Variants in VAV2 observed in about 807,000 individuals in gnomAD.
VAV2 encodes the protein vav guanine nucleotide exchange factor 2.
VAV2 carries 67 observed loss-of-function variants against 132.5 expected under a neutral mutation model. That is an observed-to-expected ratio of 0.51 (90% CI 0.42 to 0.62). The LOEUF (loss-of-function observed/expected upper bound fraction) is 0.62, where lower values mean the gene tolerates loss of function less well. Among genes scored for constraint, VAV2 ranks in the 20% least tolerant of loss-of-function variants. VAV2 has a pLI of 0.00. For synonymous variants in VAV2, 492 were observed against 443.5 expected (o/e 1.11, Z -1.37); for missense variants, 938 against 1,153.6 (o/e 0.81, Z 2.71).
chr9:133,873,386 C>G (rs912318688), intron 2 of VAV2, among the ~76,000 whole-genome samples: 2 of 152,154 alleles, frequency 1.3e-5, no homozygotes, highest in African/African-American at 4.8e-5. Flanking sequence ...TGGCAAAGGG[C>G]GTCCTGCCAC....
intron 2 of VAV2, among the ~76,000 whole-genome samples, chr9:133,862,053 C>T (rs963705486): frequency 8.5e-5 from 13 of 152,246 alleles, no homozygotes; most frequent in African/African-American, 2.7e-4. Flanking sequence ...AGTGGCATGA[C>T]GGGATCTCTC....
intron 17 of VAV2, among the ~76,000 whole-genome samples, chr9:133,784,763 G>A (rs544229668): frequency 1.1e-4 from 16 of 152,204 alleles, no homozygotes; most frequent in African/African-American, 3.6e-4. Flanking sequence ...TTGCCTCATT[G>A]GATATAAGCT....
chr9:133,931,742 C>T (rs1459947717), intron 2 of VAV2, among the ~76,000 whole-genome samples: 4 of 152,204 alleles, frequency 2.6e-5, no homozygotes, highest in Admixed American at 2.0e-4. Flanking sequence ...ACTGTCCTCA[C>T]GTCACAGGAG....
chr9:133,955,479 C>T (rs1332697916), intron 1 of VAV2, among the ~76,000 whole-genome samples: 1 of 99,928 alleles, frequency 1.0e-5, no homozygotes, highest in Non-Finnish European at 2.1e-5. Flanking sequence ...GCTGCCCCAA[C>T]TCTCCCCATG....
intron 1 of VAV2, among the ~76,000 whole-genome samples, chr9:133,958,934 C>G (rs998068823): frequency 1.3e-5 from 2 of 152,218 alleles, no homozygotes; most frequent in African/African-American, 2.4e-5. Context: ...GCCAGGCCTG[C>G]GAGGTGCTCC....
chr9:133,989,691 GA>G (rs1243396575), intron 1 of VAV2, among the ~76,000 whole-genome samples: 22 of 148,544 alleles, frequency 1.5e-4, no homozygotes, highest in East Asian at 5.9e-4. Flanking sequence ...TCTCCAAAAA[GA>G]AAAAAAAAAG....
At chr9:133,973,934 G>C (rs912491869) in intron 1 of VAV2, among the ~76,000 whole-genome samples, 1 of 152,218 alleles carries the variant, frequency 6.6e-6, no homozygotes, top group Non-Finnish European at 1.5e-5. Flanking sequence ...GGAAAATGAG[G>C]ACGTGGAAGC....
chr9:133,772,634 CCAGACA>C (rs5901027), intron 25 of VAV2, among the ~76,000 whole-genome samples: 56,398 of 151,448 alleles, frequency 0.37, 11,030 homozygotes, highest in Non-Finnish European at 0.44. Flanking sequence ...CACCCCCTTG[CCAGACA>C]CAGACATCAC....
At position 133,804,711 on chromosome 9, in the gene VAV2, G is replaced by A. The variant is rs1237899909; in HGVS notation, c.836+1370C>T. Among the ~76,000 whole-genome samples the A allele has an allele frequency of 3.9e-5, 6 of 152,192 alleles. 1 individual carries two copies. The highest frequency in any genetic ancestry group is 5.9e-5 in the Non-Finnish European group (4 of 68,022). ...CCCCACACCTGCTGAGGACTGGGGC[G>A]ACAGCCAGTGTGACCTGCCAGCCGG... On this transcript the variant is annotated intron_variant, in intron 9 of 29. Transcript: ENST00000371850. This position sits in a 1 kb window ranked among gnomAD's most constrained non-coding sequence, Gnocchi z 4.5.
Position 133,768,528 on chromosome 9 carries a change from G to T in VAV2, c.2503C>A (p.Leu835Ile), listed in dbSNP as rs201638694. 6.2e-7 allele frequency: 1 copy of T among 1,614,026 alleles called. No individual in the cohort carries two copies. The highest frequency in any genetic ancestry group is 1.3e-5 in the African/African-American group (1 of 75,012). Reference protein sequence around the residue: ...YNFAARDMRELSLREGDVVRI... With the variant: ...YNFAARDMREISLREGDVVRI... ...ACCACGTCACCCTCCCGCAGCGAAA[G>T]CTCCCTCATATCTCGGGCGGCAAAG... Residue 835 changes from leucine (L) to isoleucine (I), a missense_variant, in exon 29 of 30, where the codon CTT (leucine) becomes ATT (isoleucine). Coordinates refer to ENST00000371850, the MANE Select transcript of VAV2 (RefSeq NM_001134398.2). The surrounding 1 kb of genome is among the most constrained non-coding windows in gnomAD (Gnocchi z 5.3).
chr9:133,933,998 A>AGATG (rs1202265462), intron 2 of VAV2, among the ~76,000 whole-genome samples: 5 of 111,370 alleles, frequency 4.5e-5, no homozygotes, highest in Non-Finnish European at 7.4e-5. Flanking sequence ...ATGGGTGGGT[A>AGATG]GATGGATGGA....
intron 29 of VAV2, among the ~76,000 whole-genome samples, chr9:133,764,482 G>A (rs1833370924): frequency 6.6e-6 from 1 of 152,132 alleles, no homozygotes; most frequent in Non-Finnish European, 1.5e-5. Flanking sequence ...TCAACCCACA[G>A]GTATTGAGGT....
intron 3 of VAV2, among the ~76,000 whole-genome samples, chr9:133,848,178 GC>G (rs1452707802): frequency 1.3e-5 from 2 of 151,310 alleles, no homozygotes; most frequent in Non-Finnish European, 3.0e-5. Context: ...TACTCGGGAG[GC>G]TGAGGCAGGA....
chr9:133,789,221 G>C (rs200002607), intron 14 of VAV2, 37 bp downstream of exon 14: 1 of 1,609,122 alleles, frequency 6.2e-7, no homozygotes. Context: ...AGACCCTGGC[G>C]GGACGCCACC....
chr9:133,858,426 A>T (rs1372553493), intron 3 of VAV2, among the ~76,000 whole-genome samples: 1 of 152,162 alleles, frequency 6.6e-6, no homozygotes, highest in African/African-American at 2.4e-5. Context: ...CACTATGCAG[A>T]AGGCTCTATG....
chr9:133,899,099 G>C (rs542437968), intron 2 of VAV2, among the ~76,000 whole-genome samples: 1 of 151,954 alleles, frequency 6.6e-6, no homozygotes, highest in African/African-American at 2.4e-5. Context: ...GGGATTACAG[G>C]CGTGAGCCAC....
At chr9:133,978,519 C>A (rs59126460) in intron 1 of VAV2, among the ~76,000 whole-genome samples, 2,118 of 152,366 alleles carry the variant, frequency 0.014, 54 homozygotes, top group African/African-American at 0.047. Flanking sequence ...TGCCTTTGAA[C>A]CCAAAAGTAC....
At chr9:133,895,934 T>TAACGTTAGTAGGTCGGGCGCAG (rs1195317034) in intron 2 of VAV2, among the ~76,000 whole-genome samples, 1 of 134,694 alleles carries the variant, frequency 7.4e-6, no homozygotes, top group Admixed American at 7.2e-5. Flanking sequence ...AAATCTTTTT[T>TAACGTTAGTAGGTCGGGCGCAG]TTTTTTTTTT....
At chr9:133,953,976 C>A (rs1270966395) in intron 1 of VAV2, among the ~76,000 whole-genome samples, 2 of 152,200 alleles carry the variant, frequency 1.3e-5, no homozygotes, top group Non-Finnish European at 2.9e-5. Flanking sequence ...ACCCCTTGCA[C>A]AGGCAGGTGG....
Sources: gnomAD v4.1 joint callset for allele counts (sites outside exome capture counted in the v4.1 genomes callset) on GRCh38, gnomAD v4.1.1 for gene constraint, Gnocchi (gnomAD v3.1) non-coding constraint, MANE v1.5 for transcripts, NCBI Gene and HGNC (gene_info 2026-07-23, HGNC 2026-07-21) for gene names.